The following NFIA variants were observed in gnomAD, a reference collection of about 807,000 sequenced individuals.
NFIA encodes nuclear factor 1 A-type.
NFIA carries 8 observed loss-of-function variants against 62.8 expected under a neutral mutation model. The ratio of observed to expected loss-of-function variants is 0.13; its 90% CI spans 0.07 to 0.23. NFIA has a LOEUF of 0.23. Among genes scored for constraint, NFIA ranks in the 10% least tolerant of loss-of-function variants. The pLI, the probability that NFIA is intolerant of heterozygous loss-of-function variation, is 1.00. For missense variants in NFIA, 410 were observed against 642.1 expected (o/e 0.64, Z 3.91); for synonymous variants, 235 against 238.1 (o/e 0.99, Z 0.12).
chr1:61,311,825 C>T (rs185958332), intron 3 of NFIA, among the ~76,000 whole-genome samples: 7 of 152,174 alleles, frequency 4.6e-5, no homozygotes, highest in East Asian at 3.9e-4. Flanking sequence ...TAGTCTTAAC[C>T]GTTAATGTTT....
chr1:61,337,322 A>AT (rs11395065), intron 4 of NFIA, among the ~76,000 whole-genome samples: 128,756 of 151,154 alleles, frequency 0.85, 54,900 homozygotes, highest in East Asian at 0.92. Context: ...CCACCTTTTA[A>AT]TTTTTTTTTT....
chr1:61,373,496 G>T (rs1356485859), intron 6 of NFIA, among the ~76,000 whole-genome samples: 1 of 152,148 alleles, frequency 6.6e-6, no homozygotes, highest in Non-Finnish European at 1.5e-5. Context: ...TCCAGCACAG[G>T]CGTATCCCAA....
At chr1:61,441,319 G>C (rs904343659) in intron 10 of NFIA, among the ~76,000 whole-genome samples, 4 of 150,000 alleles carry the variant, frequency 2.7e-5, no homozygotes, top group East Asian at 1.9e-4. Context: ...GTGTGTGTGT[G>C]TGTGTGTGTG....
At chr1:61,091,074 C>G (rs1398880449) in intron 2 of NFIA, among the ~76,000 whole-genome samples, 2 of 152,250 alleles carry the variant, frequency 1.3e-5, no homozygotes, top group African/African-American at 4.8e-5. Flanking sequence ...GAGGCAGAGA[C>G]TCTGAAACGT....
intron 2 of NFIA, among the ~76,000 whole-genome samples, chr1:61,196,936 T>C (rs568834870): frequency 0.011 from 1,194 of 105,782 alleles, 8 homozygotes; most frequent in Middle Eastern, 0.038. Context: ...TGTGTGTGTG[T>C]GTGTGCGCGC....
intron 6 of NFIA, among the ~76,000 whole-genome samples, chr1:61,370,662 T>C (rs146512417): frequency 6.6e-5 from 10 of 152,286 alleles, no homozygotes; most frequent in African/African-American, 2.2e-4. Flanking sequence ...TTCTCTGGTC[T>C]TTGTCAAGTG....
chr1:61,214,659 A>G (rs2100608166), intron 2 of NFIA, among the ~76,000 whole-genome samples: 1 of 152,328 alleles, frequency 6.6e-6, no homozygotes, highest in South Asian at 2.1e-4. Context: ...GAATCTGGAT[A>G]TATGACAAGA....
rs1003386551 is a variant in NFIA, at chr1:61,455,571, A to C, written c.*251A>C. ...TGTAATTTCTCATATGGTGCTGGAA[A>C]TGGTTGGGCTTTGTAACATTTGAAG... On this transcript the variant is annotated 3_prime_UTR_variant, in exon 11 of 11. Coordinates refer to ENST00000403491, the MANE Select transcript of NFIA (RefSeq NM_001134673.4). The C allele has an allele frequency of 1.4e-5, 8 of 559,624 alleles. No homozygotes were observed. Among genetic ancestry groups the C allele is most frequent in the African/African-American group, 1.4e-4 (7 of 51,658 alleles). The allele number at this position is 559,624 out of a possible 1,614,324, so 34.7% of individuals were successfully genotyped here.
intron 2 of NFIA, among the ~76,000 whole-genome samples, chr1:61,268,898 A>G (rs1657341283): frequency 6.6e-6 from 1 of 152,062 alleles, no homozygotes; most frequent in Non-Finnish European, 1.5e-5. Context: ...TCATCCCTAT[A>G]TTGAATGGAC....
intron 5 of NFIA, among the ~76,000 whole-genome samples, chr1:61,356,927 G>T (rs987783986): frequency 1.3e-5 from 2 of 152,084 alleles, no homozygotes; most frequent in African/African-American, 4.8e-5. Context: ...CCTGCCCTAG[G>T]CTCCATTTTC....
chr1:61,294,830 A>G (rs1659101669), intron 3 of NFIA, among the ~76,000 whole-genome samples: 1 of 152,184 alleles, frequency 6.6e-6, no homozygotes, highest in Non-Finnish European at 1.5e-5. Context: ...CGCTGGTAAG[A>G]TGGTGAACAG....
intron 4 of NFIA, among the ~76,000 whole-genome samples, chr1:61,340,523 A>G (rs1661842058): frequency 6.6e-6 from 1 of 152,200 alleles, no homozygotes; most frequent in Non-Finnish European, 1.5e-5. Flanking sequence ...TGGAAATAGG[A>G]ATACCTCTCA....
rs138771180 is a variant in NFIA at position 61,340,263 on chromosome 1, A to G, written c.700+7677A>G. On this transcript the variant is annotated intron_variant, in intron 4 of 10. Transcript: ENST00000403491. ...ATGGTCTCTATTCGTATGTTCATCT[A>G]TTTCTAGGTCATTCATCAGTTATGC... Among the ~76,000 whole-genome samples the G allele has an allele frequency of 4.6e-5, 7 of 152,298 alleles. No individual in the cohort carries two copies. In the East Asian group the frequency reaches 9.6e-4, roughly 21 times the overall value.
intron 6 of NFIA, among the ~76,000 whole-genome samples, chr1:61,362,375 G>A (rs1394865585): frequency 6.6e-6 from 1 of 152,160 alleles, no homozygotes; most frequent in East Asian, 1.9e-4. Flanking sequence ...CAAGTACTAA[G>A]GATACTGTGT....
intron 10 of NFIA, among the ~76,000 whole-genome samples, chr1:61,436,933 G>A (rs1038979288): frequency 2.0e-5 from 3 of 152,150 alleles, no homozygotes; most frequent in East Asian, 1.9e-4. Context: ...GTGATAAGCC[G>A]GATCCCTTGT....
chr1:61,423,436 A>T (rs2100550210), intron 9 of NFIA, among the ~76,000 whole-genome samples: 1 of 152,286 alleles, frequency 6.6e-6, no homozygotes, highest in East Asian at 1.9e-4. Context: ...AATGTCCTAC[A>T]ATAATCTCCC....
At chr1:61,317,356 G>C (rs1343294628) in intron 3 of NFIA, among the ~76,000 whole-genome samples, 1 of 151,962 alleles carries the variant, frequency 6.6e-6, no homozygotes, top group South Asian at 2.1e-4. Flanking sequence ...CTTATGTCTA[G>C]AATAATGCTT....
Position 61,406,586 on chromosome 1 carries a change from G to A in NFIA, c.1279G>A (p.Val427Met). The A allele has an allele frequency of 6.7e-7, 1 of 1,497,448 alleles. No homozygotes were observed. Among genetic ancestry groups the A allele is most frequent in the Non-Finnish European group, 9.0e-7 (1 of 1,108,654 alleles). The allele number at this position is 1,497,448 out of a possible 1,614,324, so 92.8% of individuals were successfully genotyped here. A position where few individuals can be genotyped will look rare whatever the true frequency, so the allele number is the denominator to read the frequency against. ...LNPNGSSQGK[V>M]HNPFLPTPML... ...GCCCAATGGGAGCAGCCAAGGCAAG[G>A]TGCACAACCCATTCCTTCCCACCCC... Residue 427 changes from valine (V) to methionine (M), a missense_variant, in exon 9 of 11, where the codon GTG (valine) becomes ATG (methionine). Val to Met is a conservative substitution (Grantham distance 21, BLOSUM62 1). Coordinates refer to ENST00000403491, the MANE Select transcript of NFIA (RefSeq NM_001134673.4).
intron 2 of NFIA, among the ~76,000 whole-genome samples, chr1:61,275,584 A>G (rs1329136515): frequency 6.6e-6 from 1 of 152,178 alleles, no homozygotes; most frequent in Non-Finnish European, 1.5e-5. Flanking sequence ...GTTTGCTAGT[A>G]TTATTCCAAA....
Sources: allele counts gnomAD v4.1 joint callset (sites outside exome capture counted in the v4.1 genomes callset), GRCh38; gene constraint gnomAD v4.1.1; transcripts MANE v1.5; gene names NCBI Gene and HGNC (gene_info 2026-07-23, HGNC 2026-07-21).